The following SYNE2 variants were observed in gnomAD, a reference collection of about 807,000 sequenced individuals.
SYNE2 encodes the protein spectrin repeat containing nuclear envelope protein 2, also known as nesprin-2.
In SYNE2, 431 loss-of-function variants were observed where a neutral mutation model predicts 856.3. The ratio of observed to expected loss-of-function variants is 0.50; its 90% CI spans 0.47 to 0.55. The LOEUF is 0.55. Ranked by LOEUF, SYNE2 falls within the 20% of genes least tolerant of loss-of-function variation. The probability of loss-of-function intolerance (pLI) is 0.00; values close to 1 mark genes in which losing one functional copy is unlikely to be tolerated. For synonymous variants in SYNE2, 2,923 were observed against 2,872.3 expected (o/e 1.02, Z -0.56); for missense variants, 8,129 against 8,023.2 (o/e 1.01, Z -0.50).
At chr14:64,209,829 C>A in intron 102 of SYNE2, 113 bp from the exon 103 acceptor site, 1 of 1,436,112 alleles carries the variant, frequency 7.0e-7, no homozygotes, top group South Asian at 1.2e-5. Context: ...CCCTCTGCTG[C>A]CATTGCAGTT....
chr14:63,916,015 G>A (rs1270311767), intron 2 of SYNE2, among the ~76,000 whole-genome samples: 4 of 151,006 alleles, frequency 2.6e-5, no homozygotes, highest in African/African-American at 7.4e-5. Context: ...GGTGTTAGGA[G>A]TACAAAGAAA....
chr14:63,830,328 G>A (rs1160743845), intron 1 of SYNE2, among the ~76,000 whole-genome samples: 2 of 151,094 alleles, frequency 1.3e-5, no homozygotes, highest in East Asian at 3.9e-4. Context: ...ATACATCATT[G>A]TGAATATATT....
chr14:63,871,551 C>T (rs1896856409), intron 1 of SYNE2, among the ~76,000 whole-genome samples: 2 of 151,180 alleles, frequency 1.3e-5, no homozygotes, highest in Non-Finnish European at 1.5e-5. Flanking sequence ...CAAGTATTTC[C>T]TTAACATTCT....
chr14:64,222,176 G>T lies in SYNE2; in HGVS notation c.20190+472G>T, dbSNP rs554618444. 4.5e-4 allele frequency among the ~76,000 whole-genome samples: 69 copies of T among 152,236 alleles called. 1 individual carries two copies. The highest frequency in any genetic ancestry group is 3.9e-4 in the East Asian group (2 of 5,174). On this transcript the variant is annotated intron_variant, in intron 112 of 115. Transcript: ENST00000555002. ...TTTCTGTATTCTCACTGGTGCTCAA[G>T]GTGACATTTTCATCCATAAATCTGT... is the stretch of plus-strand genomic sequence containing the variant.
chr14:64,002,460 T>A (rs1332037699), intron 29 of SYNE2, among the ~76,000 whole-genome samples: 1 of 152,264 alleles, frequency 6.6e-6, no homozygotes, highest in African/African-American at 2.4e-5. Flanking sequence ...ATAAAATTGT[T>A]CTCTGAACAG....
intron 1 of SYNE2, among the ~76,000 whole-genome samples, chr14:63,883,862 A>ATTTT (rs34392423): frequency 7.7e-6 from 1 of 130,512 alleles, no homozygotes. Context: ...AAGCTGGTGA[A>ATTTT]TTTTTTTTTT....
At chr14:64,186,085 A>G (rs374658394) in intron 96 of SYNE2, among the ~76,000 whole-genome samples, 3 of 151,762 alleles carry the variant, frequency 2.0e-5, no homozygotes, top group Non-Finnish European at 4.4e-5. Context: ...GTATGTGTGC[A>G]TGTGTGTGTG....
chr14:63,781,755 T>C lies in SYNE2; in HGVS notation c.-305+19769T>C, dbSNP rs1020344130. Among the ~76,000 whole-genome samples the C allele has an allele frequency of 3.3e-5, 5 of 152,070 alleles. No individual in the cohort carries two copies. In the South Asian group the frequency reaches 8.3e-4, roughly 25 times the overall value. On this transcript the variant is annotated intron_variant, in intron 1 of 23. Transcript: ENST00000674003. Reference sequence around the variant, plus strand: ...AGAAACAATGACACACCAATAGCAGTGAGCACACCTAGCACCCAGATTTGA... The same window carrying C: ...AGAAACAATGACACACCAATAGCAGCGAGCACACCTAGCACCCAGATTTGA...
intron 1 of SYNE2, among the ~76,000 whole-genome samples, chr14:63,885,619 T>A (rs2094965224): frequency 6.6e-6 from 1 of 152,210 alleles, no homozygotes; most frequent in South Asian, 2.1e-4. Context: ...ATATTTTTTT[T>A]GAGACAGGGT....
intron 27 of SYNE2, among the ~76,000 whole-genome samples, chr14:63,999,795 A>G (rs2096740195): frequency 6.6e-6 from 1 of 152,160 alleles, no homozygotes; most frequent in East Asian, 1.9e-4. Context: ...CATGTTTTCT[A>G]GTTTCTTTTA....
intron 2 of SYNE2, among the ~76,000 whole-genome samples, chr14:63,913,428 A>T (rs1026156161): frequency 6.7e-6 from 1 of 150,188 alleles, no homozygotes; most frequent in African/African-American, 2.4e-5. Flanking sequence ...ATTTATTCAT[A>T]TATATATGTA....
chr14:63,781,119 A>T (rs1408922572), intron 1 of SYNE2, among the ~76,000 whole-genome samples: 1 of 152,104 alleles, frequency 6.6e-6, no homozygotes, highest in Non-Finnish European at 1.5e-5. Context: ...TCTACTAAAA[A>T]TACAAAAAAT....
chr14:64,179,590 T>G (rs981793006), intron 96 of SYNE2, among the ~76,000 whole-genome samples: 4 of 152,234 alleles, frequency 2.6e-5, no homozygotes, highest in African/African-American at 9.6e-5. Context: ...TGTCAGATTT[T>G]TTTTTAAACT....
chr14:63,923,065 G>A lies in SYNE2; in HGVS notation c.79+13838G>A, dbSNP rs76404808. 5.7e-3 allele frequency among the ~76,000 whole-genome samples: 871 copies of A among 152,270 alleles called. 8 individuals carry two copies. The highest frequency in any genetic ancestry group is 0.019 in the African/African-American group (807 of 41,556). On this transcript the variant is annotated intron_variant, in intron 2 of 115. Coordinates refer to ENST00000555002, the MANE Select transcript of SYNE2 (RefSeq NM_182914.3). ...TATGTGGTAGTTAAAAGGTAGCAAG[G>A]AGTAACAAATATGTGTTAAAATAAA...
At chr14:64,062,952 T>G in intron 50 of SYNE2, 57 bp downstream of exon 50, 1 of 1,603,900 alleles carries the variant, frequency 6.2e-7, no homozygotes. Flanking sequence ...CAGAACAAAC[T>G]GGCAGAGGCA....
At chr14:63,782,158 A>G (rs1305817454) in intron 1 of SYNE2, among the ~76,000 whole-genome samples, 2 of 151,812 alleles carry the variant, frequency 1.3e-5, no homozygotes, top group African/African-American at 4.8e-5. Context: ...CCAAAAACAA[A>G]AAATGAAAGA....
intron 90 of SYNE2, among the ~76,000 whole-genome samples, chr14:64,166,598 C>T (rs1314151868): frequency 1.3e-5 from 2 of 152,056 alleles, no homozygotes; most frequent in African/African-American, 4.8e-5. Flanking sequence ...TGTTGAAGGC[C>T]AGGTTATTGG....
intron 6 of SYNE2, among the ~76,000 whole-genome samples, chr14:63,949,315 C>T (rs1019141850): frequency 1.1e-4 from 16 of 152,076 alleles, no homozygotes; most frequent in Admixed American, 5.2e-4. Flanking sequence ...TTGCTGTATA[C>T]ATTTAAATTT....
chr14:63,791,112 C>T (rs1007001761), intron 1 of SYNE2, among the ~76,000 whole-genome samples: 1 of 152,082 alleles, frequency 6.6e-6, no homozygotes, highest in Non-Finnish European at 1.5e-5. Flanking sequence ...TGCCTGCCAC[C>T]ACACCCAGCT....
Sources: gnomAD v4.1 joint callset for allele counts (sites outside exome capture counted in the v4.1 genomes callset) on GRCh38, gnomAD v4.1.1 for gene constraint, MANE v1.5 for transcripts, NCBI Gene and HGNC (gene_info 2026-07-23, HGNC 2026-07-21) for gene names.